Variants in FRMD4A observed in about 807,000 individuals in gnomAD.
The protein encoded by FRMD4A is FERM domain-containing protein 4A.
FRMD4A carries 29 observed loss-of-function variants against 129.1 expected under a neutral mutation model. The observed-to-expected ratio is 0.22, with a 90% CI of 0.17 to 0.31. The LOEUF is 0.31. Among genes scored for constraint, FRMD4A ranks in the 10% least tolerant of loss-of-function variants. The probability of loss-of-function intolerance (pLI) is 1.00; values close to 1 mark genes in which losing one functional copy is unlikely to be tolerated. For synonymous variants in FRMD4A, 634 were observed against 571.6 expected, an observed-to-expected ratio of 1.11 and a Z score of -1.56; for missense variants, 1,272 against 1,375.8, an observed-to-expected ratio of 0.92 and a Z score of 1.19.
chr10:14,032,888 C>T (rs1255207542), intron 2 of FRMD4A, among the ~76,000 whole-genome samples: 4 of 152,170 alleles, frequency 2.6e-5, no homozygotes, highest in Non-Finnish European at 5.9e-5. Flanking sequence ...AGTCTGTTTC[C>T]CAGTCTTGGT....
At chr10:14,129,235 A>G (rs944145145) in intron 2 of FRMD4A, among the ~76,000 whole-genome samples, 1 of 151,746 alleles carries the variant, frequency 6.6e-6, no homozygotes, top group African/African-American at 2.4e-5. Flanking sequence ...CCGTATATCT[A>G]GTTAGCAATT....
intron 2 of FRMD4A, among the ~76,000 whole-genome samples, chr10:14,318,612 C>CAA (rs66547751): frequency 0.073 from 9,892 of 134,734 alleles, 1,146 homozygotes; most frequent in African/African-American, 0.25. Flanking sequence ...TGCTAGTATG[C>CAA]AAAAAAAAAA....
chr10:14,124,409 C>T, intron 2 of FRMD4A, among the ~76,000 whole-genome samples: 1 of 152,190 alleles, frequency 6.6e-6, no homozygotes, highest in East Asian at 1.9e-4. Context: ...GACACGGTGC[C>T]TCATGCCTGT....
intron 2 of FRMD4A, among the ~76,000 whole-genome samples, chr10:14,098,821 A>G (rs1837148160): frequency 6.6e-6 from 1 of 152,162 alleles, no homozygotes; most frequent in South Asian, 2.1e-4. Context: ...CGCTCACACC[A>G]TGGACCCGAC....
intron 12 of FRMD4A, among the ~76,000 whole-genome samples, chr10:13,710,171 C>A (rs1334761323): frequency 6.6e-6 from 1 of 152,086 alleles, no homozygotes; most frequent in Non-Finnish European, 1.5e-5. Context: ...AACCCTCAAG[C>A]CCTCCAAGAG....
At chr10:13,689,522 C>T (rs1267880877) in intron 15 of FRMD4A, among the ~76,000 whole-genome samples, 3 of 143,234 alleles carry the variant, frequency 2.1e-5, no homozygotes, top group East Asian at 4.1e-4. Context: ...GGGTACCATA[C>T]ACTCTAGGAA....
chr10:14,257,890 A>C (rs1410505292), intron 2 of FRMD4A, among the ~76,000 whole-genome samples: 1 of 152,254 alleles, frequency 6.6e-6, no homozygotes, highest in East Asian at 1.9e-4. Context: ...TGCTGTGTAA[A>C]GCCACCCAGT....
At chr10:14,025,978 TC>T (rs891767368) in intron 2 of FRMD4A, among the ~76,000 whole-genome samples, 3 of 152,168 alleles carry the variant, frequency 2.0e-5, no homozygotes, top group African/African-American at 7.2e-5. Flanking sequence ...CTAATGGCCA[TC>T]CTTGCTGTGA....
At chr10:14,030,173 C>T (rs1833171160) in intron 2 of FRMD4A, among the ~76,000 whole-genome samples, 1 of 152,148 alleles carries the variant, frequency 6.6e-6, no homozygotes, top group African/African-American at 2.4e-5. Context: ...GTTCTGGGCA[C>T]CCAATGCACA....
chr10:14,187,130 GGAAA>G lies in FRMD4A; in HGVS notation c.45+142924_45+142927del, dbSNP rs1407190466. The stretch of plus-strand genomic sequence containing the variant: ...CAAGGCTCTGTCTCAAAGGAAAGAA[GGAAA>G]GAAGGAAGGAAGGAAAGAAGGAAGG... On this transcript the variant is annotated intron_variant, in intron 2 of 24. Transcript: ENST00000357447. Among the ~76,000 whole-genome samples the G allele has an allele frequency of 1.4e-4, 19 of 134,242 alleles. 1 individual carries two copies. In the East Asian group the frequency reaches 1.6e-3, roughly 11 times the overall value. 88.1% of individuals were successfully genotyped at this position (134,242 alleles called of 152,430 possible). A position where few individuals can be genotyped will look rare whatever the true frequency, so the allele number is the denominator to read the frequency against.
chr10:14,164,655 G>C (rs1388256466), intron 2 of FRMD4A, among the ~76,000 whole-genome samples: 1 of 152,092 alleles, frequency 6.6e-6, no homozygotes, highest in Non-Finnish European at 1.5e-5. Flanking sequence ...TGAATGGTAG[G>C]TTCAAAGCCC....
At chr10:13,963,829 C>T (rs1275102482) in intron 2 of FRMD4A, among the ~76,000 whole-genome samples, 2 of 152,094 alleles carry the variant, frequency 1.3e-5, no homozygotes, top group Non-Finnish European at 2.9e-5. Flanking sequence ...GCAGGCCTGG[C>T]TCTGTGGTCT....
chr10:13,691,471 G>A lies in FRMD4A; in HGVS notation c.1117+2427C>T, dbSNP rs117958955. Among the ~76,000 whole-genome samples, 1,029 of 152,236 alleles carry A rather than the reference G, an allele frequency of 6.8e-3. 1 individual carries two copies. Among genetic ancestry groups the A allele is most frequent in the Non-Finnish European group, 8.7e-3 (590 of 68,018 alleles). Reference sequence around the variant, plus strand: ...ACGGGCTTAAAACTGGGCACACCTGGGTTCTATGAGCCTGGGCAACACACC... The same window carrying A: ...ACGGGCTTAAAACTGGGCACACCTGAGTTCTATGAGCCTGGGCAACACACC... On this transcript the variant is annotated intron_variant, in intron 15 of 24. Coordinates refer to ENST00000357447, the MANE Select transcript of FRMD4A (RefSeq NM_018027.5).
chr10:13,709,162 C>T (rs1765529461), intron 12 of FRMD4A, among the ~76,000 whole-genome samples: 1 of 151,674 alleles, frequency 6.6e-6, no homozygotes, highest in Non-Finnish European at 1.5e-5. Flanking sequence ...TGGGGTTTTG[C>T]CATGTTGGGC....
chr10:14,280,154 G>A (rs890876548), intron 2 of FRMD4A, among the ~76,000 whole-genome samples: 1 of 152,146 alleles, frequency 6.6e-6, no homozygotes, highest in Non-Finnish European at 1.5e-5. Context: ...GCTGGCCAAG[G>A]CAGGACAGTG....
chr10:13,801,105 G>A (rs2093244306), intron 4 of FRMD4A, among the ~76,000 whole-genome samples: 1 of 152,116 alleles, frequency 6.6e-6, no homozygotes, highest in Admixed American at 6.6e-5. Context: ...AAACTAGCCA[G>A]GTGTGGTGGC....
chr10:14,203,120 C>A (rs1589162125), intron 2 of FRMD4A, among the ~76,000 whole-genome samples: 1 of 152,304 alleles, frequency 6.6e-6, no homozygotes, highest in East Asian at 1.9e-4. Context: ...ACCTCCAGGG[C>A]CGTGTAGAAA....
At chr10:13,819,018 C>A (rs1373457745) in intron 3 of FRMD4A, among the ~76,000 whole-genome samples, 1 of 152,110 alleles carries the variant, frequency 6.6e-6, no homozygotes, top group Non-Finnish European at 1.5e-5. Context: ...ATCCCAGCTA[C>A]TCGAGAGGCT....
In FRMD4A at chr10:13,657,202, G is replaced by T; in HGVS notation, c.2387C>A (p.Ala796Asp). The T allele has an allele frequency of 6.5e-7, 1 of 1,537,696 alleles. No homozygotes were observed. Residue 796 changes from alanine (A) to aspartate (D), a missense_variant, in exon 22 of 25, where the codon GCC becomes GAC. This residue lies in a region of FRMD4A where 972 missense variants were observed against 892.3 expected (regional missense o/e 1.09). Coordinates refer to ENST00000357447, the MANE Select transcript of FRMD4A (RefSeq NM_018027.5). ...RQRAAGALGS[A>D]SSGSMPNLAA... Reference sequence around the variant, plus strand: ...CAGGTTGGGCATGCTGCCCGAGCTGGCTGAGCCCAGTGCGCCCGCCGCCCG... The same window carrying T: ...CAGGTTGGGCATGCTGCCCGAGCTGTCTGAGCCCAGTGCGCCCGCCGCCCG...
Sources: gnomAD v4.1 joint callset for allele counts (sites outside exome capture counted in the v4.1 genomes callset) on GRCh38, gnomAD v4.1.1 for gene constraint, gnomAD v4.1.1 regional missense constraint, MANE v1.5 for transcripts, NCBI Gene and HGNC (gene_info 2026-07-23, HGNC 2026-07-21) for gene names.